DDX50: variants seen among roughly 807,000 people sequenced by gnomAD.
DDX50 encodes DExD-box helicase 50.
DDX50 carries 56 observed loss-of-function variants against 94.8 expected under a neutral mutation model. The ratio of observed to expected loss-of-function variants is 0.59; its 90% CI spans 0.48 to 0.74. The LOEUF (loss-of-function observed/expected upper bound fraction) is 0.74, where lower values mean the gene tolerates loss of function less well. DDX50 is among the 30% of genes least tolerant of loss of function. The pLI, the probability that DDX50 is intolerant of heterozygous loss-of-function variation, is 0.00. For missense variants in DDX50, 713 were observed against 881.2 expected (o/e 0.81, Z 2.42); for synonymous variants, 264 against 295.4 (o/e 0.89, Z 1.09).
At chr10:68,911,365 C>T in intron 4 of DDX50, 119 bp downstream of exon 4, 1 of 1,093,074 alleles carries the variant, frequency 9.1e-7, no homozygotes, top group Non-Finnish European at 1.2e-6. Flanking sequence ...TGGCATAAAA[C>T]AAAAATATGT....
chr10:68,903,869 G>A (rs1007252592), intron 1 of DDX50, among the ~76,000 whole-genome samples: 3 of 151,384 alleles, frequency 2.0e-5, no homozygotes, highest in East Asian at 3.9e-4. Context: ...CCAGCTACTC[G>A]GGAGGCTGAG....
intron 14 of DDX50, 152 bp downstream of exon 14, chr10:68,943,409 A>C (rs1842596106): frequency 1.5e-6 from 1 of 683,776 alleles, no homozygotes; most frequent in Non-Finnish European, 2.3e-6. Flanking sequence ...TCAAACTTAA[A>C]TTTATTTTTA....
chr10:68,914,468 C>A, intron 7 of DDX50, among the ~76,000 whole-genome samples: 1 of 152,106 alleles, frequency 6.6e-6, no homozygotes, highest in Non-Finnish European at 1.5e-5. Context: ...TTCTTTCTTT[C>A]TCTCTTTAAA....
At chr10:68,925,468 T>C (rs1047204612) in intron 8 of DDX50, among the ~76,000 whole-genome samples, 4 of 152,192 alleles carry the variant, frequency 2.6e-5, no homozygotes, top group African/African-American at 9.7e-5. Context: ...ACATGTGTCA[T>C]CTGTGGATTT....
At chr10:68,936,765 C>T (rs569746437) in intron 11 of DDX50, among the ~76,000 whole-genome samples, 171 bp from the exon 12 acceptor site, 22 of 151,216 alleles carry the variant, frequency 1.5e-4, no homozygotes, top group Non-Finnish European at 2.5e-4. Flanking sequence ...TGCTTGAGCC[C>T]GGGAGGTTGA....
chr10:68,911,559 C>T (rs1201842191), intron 4 of DDX50: 9 of 187,612 alleles, frequency 4.8e-5, no homozygotes, highest in Admixed American at 4.3e-4. Flanking sequence ...CTGACCTTTG[C>T]TTTTAAATAA....
intron 14 of DDX50, 142 bp downstream of exon 14, chr10:68,943,399 T>G: frequency 1.4e-6 from 1 of 712,010 alleles, no homozygotes; most frequent in Non-Finnish European, 2.2e-6. Flanking sequence ...CCAGTCTGTC[T>G]CAAACTTAAA....
chr10:68,902,228 C>T (rs901177171), intron 1 of DDX50, among the ~76,000 whole-genome samples: 4 of 145,750 alleles, frequency 2.7e-5, no homozygotes, highest in Non-Finnish European at 4.5e-5. Flanking sequence ...GAAAAAACAT[C>T]CTGAAACACT....
chr10:68,904,553 G>A (rs1202962801), intron 1 of DDX50, among the ~76,000 whole-genome samples: 1 of 152,132 alleles, frequency 6.6e-6, no homozygotes, highest in Non-Finnish European at 1.5e-5. Flanking sequence ...ATGTGGTAGA[G>A]GTAAGAAGAT....
At chr10:68,913,607 C>G (rs1428172888) in intron 6 of DDX50, 31 bp downstream of exon 6, 3 of 1,569,776 alleles carry the variant, frequency 1.9e-6, no homozygotes, top group Admixed American at 1.9e-5. Flanking sequence ...AGCACATTAG[C>G]AATTATTGTT....
intron 8 of DDX50, among the ~76,000 whole-genome samples, chr10:68,928,937 C>T (rs1842159982): frequency 4.6e-5 from 7 of 152,064 alleles, no homozygotes; most frequent in Admixed American, 4.6e-4. Context: ...TAAAGTGTCC[C>T]ATTTATTTCT....
At chr10:68,901,608 T>A (rs2132015266) in intron 1 of DDX50, 137 bp downstream of exon 1, 1 of 926,254 alleles carries the variant, frequency 1.1e-6, no homozygotes, top group East Asian at 2.9e-5. Flanking sequence ...CCCTCGGCCC[T>A]CTGGGGTCGC....
chr10:68,908,637 C>CTTTTTTTTTTTTTTTTTTTTTTTTT (rs1157178909), intron 2 of DDX50, among the ~76,000 whole-genome samples: 1 of 95,732 alleles, frequency 1.0e-5, no homozygotes, highest in Non-Finnish European at 2.0e-5. Context: ...TTAAAATTTC[C>CTTTTTTTTTTTTTTTTTTTTTTTTT]TTTTTTTTTT....
chr10:68,932,200 A>G (rs1334609052), intron 8 of DDX50, among the ~76,000 whole-genome samples: 1 of 152,200 alleles, frequency 6.6e-6, no homozygotes, highest in Admixed American at 6.5e-5. Flanking sequence ...GAATTCATTC[A>G]TGTATATGTT....
intron 13 of DDX50, among the ~76,000 whole-genome samples, chr10:68,942,379 A>T (rs1388048116): frequency 6.6e-6 from 1 of 152,196 alleles, no homozygotes; most frequent in Non-Finnish European, 1.5e-5. Flanking sequence ...ATTGCAAATA[A>T]TCATCTCTCT....
intron 7 of DDX50, among the ~76,000 whole-genome samples, chr10:68,917,185 C>T (rs1051356226): frequency 1.4e-4 from 21 of 151,728 alleles, no homozygotes; most frequent in African/African-American, 4.6e-4. Context: ...GTTGGCCAGG[C>T]GCAGTGGCTC....
chr10:68,940,267 T>C (rs1842523698), intron 12 of DDX50, among the ~76,000 whole-genome samples: 2 of 151,562 alleles, frequency 1.3e-5, no homozygotes, highest in South Asian at 2.1e-4. Context: ...TAGTTCCAGA[T>C]GCTTGTGGGG....
At chr10:68,913,034 G>A in intron 4 of DDX50, 128 bp from the exon 5 acceptor site, 2 of 709,380 alleles carry the variant, frequency 2.8e-6, no homozygotes, top group Non-Finnish European at 4.7e-6. Context: ...TTTGTGATGT[G>A]TCTTTAAATA....
At chr10:68,903,254 G>A (rs777349824) in intron 1 of DDX50, among the ~76,000 whole-genome samples, 8 of 151,996 alleles carry the variant, frequency 5.3e-5, no homozygotes, top group Admixed American at 1.3e-4. Flanking sequence ...AAAATTAGCC[G>A]GGTGCGGTGG....
Sources: allele counts gnomAD v4.1 joint callset (sites outside exome capture counted in the v4.1 genomes callset), GRCh38; gene constraint gnomAD v4.1.1; transcripts MANE v1.5; gene names NCBI Gene and HGNC (gene_info 2026-07-23, HGNC 2026-07-21).